The following FARS2 variants were observed in gnomAD, a reference collection of about 807,000 sequenced individuals.
The protein encoded by FARS2 is phenylalanine--tRNA ligase, mitochondrial.
Under a neutral mutation model 46.4 loss-of-function variants are expected in FARS2, and 40 were observed. That is an observed-to-expected ratio of 0.86 (90% CI 0.67 to 1.12). The LOEUF is 1.12. FARS2 is among the 50% of genes most tolerant of loss of function. The pLI, the probability that FARS2 is intolerant of heterozygous loss-of-function variation, is 0.00. For synonymous variants in FARS2, 234 were observed against 214.9 expected, an observed-to-expected ratio of 1.09 and a Z score of -0.78; for missense variants, 513 against 567.9, an observed-to-expected ratio of 0.90 and a Z score of 0.98.
At chr6:5,336,339 A>G (rs1485106739) in intron 1 of FARS2, among the ~76,000 whole-genome samples, 5 of 152,056 alleles carry the variant, frequency 3.3e-5, no homozygotes, top group Admixed American at 3.3e-4. Flanking sequence ...GATGGATTTT[A>G]AAAGTCTCGG....
At position 5,341,235 on chromosome 6, in the gene FARS2, A is replaced by ATT. The variant is rs70974193; in HGVS notation, c.-21-27294_-21-27293dup. 1.9e-3 allele frequency among the ~76,000 whole-genome samples: 19 copies of ATT among 10,270 alleles called. 2 individuals carry two copies. The highest frequency in any genetic ancestry group is 3.4e-3 in the Non-Finnish European group (17 of 5,030). 6.7% of individuals were successfully genotyped at this position (10,270 alleles called of 152,430 possible). On this transcript the variant is annotated intron_variant, in intron 1 of 6. Coordinates refer to ENST00000274680, the MANE Select transcript of FARS2 (RefSeq NM_006567.5). ...TATATATATATATATATATATATAT[A>ATT]TTTTTTTTTTTTTTTTTTTTTTCCC...
chr6:5,450,200 G>A (rs546235329), intron 4 of FARS2, among the ~76,000 whole-genome samples: 1 of 152,278 alleles, frequency 6.6e-6, no homozygotes, highest in South Asian at 2.1e-4. Flanking sequence ...TGAGGTAAAT[G>A]TGTAATGTCA....
intron 6 of FARS2, among the ~76,000 whole-genome samples, chr6:5,667,255 C>G (rs1171407885): frequency 6.6e-6 from 1 of 152,178 alleles, no homozygotes; most frequent in African/African-American, 2.4e-5. Context: ...CACAGTGGCT[C>G]ACGCCTGTAA....
intron 5 of FARS2, among the ~76,000 whole-genome samples, chr6:5,568,326 G>T (rs1471386523): frequency 6.6e-6 from 1 of 152,180 alleles, no homozygotes; most frequent in Non-Finnish European, 1.5e-5. Context: ...GTTGATGTAT[G>T]TGACATTCAA....
intron 2 of FARS2, among the ~76,000 whole-genome samples, chr6:5,403,925 G>A (rs959448138): frequency 3.9e-5 from 6 of 152,136 alleles, no homozygotes; most frequent in Non-Finnish European, 8.8e-5. Flanking sequence ...TTAGCCATTG[G>A]AATGTGCCAG....
chr6:5,595,691 T>C (rs1774158899), intron 5 of FARS2, among the ~76,000 whole-genome samples: 1 of 152,196 alleles, frequency 6.6e-6, no homozygotes, highest in African/African-American at 2.4e-5. Flanking sequence ...CAGATGGATC[T>C]GAACTAAATT....
At chr6:5,368,462 A>C (rs971802280) in intron 1 of FARS2, 88 bp from the exon 2 acceptor site, 6 of 1,186,042 alleles carry the variant, frequency 5.1e-6, no homozygotes, top group Admixed American at 2.2e-5. Context: ...CCAGTAGGAC[A>C]AGAGGGAGCT....
intron 3 of FARS2, among the ~76,000 whole-genome samples, chr6:5,411,296 C>CAAAAT: frequency 6.6e-6 from 1 of 152,172 alleles, no homozygotes; most frequent in East Asian, 1.9e-4. Context: ...CAAAACAAAA[C>CAAAAT]AAAACAAAAC....
At chr6:5,531,467 GT>G (rs1769827447) in intron 4 of FARS2, among the ~76,000 whole-genome samples, 1 of 152,186 alleles carries the variant, frequency 6.6e-6, no homozygotes, top group Non-Finnish European at 1.5e-5. Context: ...TCCAAAGTGA[GT>G]TTTTTTGAGA....
intron 6 of FARS2, among the ~76,000 whole-genome samples, chr6:5,629,690 G>C (rs1455755424): frequency 6.6e-6 from 1 of 152,140 alleles, no homozygotes; most frequent in Non-Finnish European, 1.5e-5. Context: ...TGTTGGCCAA[G>C]GGTAAGGTTG....
upstream of FARS2, among the ~76,000 whole-genome samples, chr6:5,260,466 G>A (rs1275281205): frequency 6.6e-6 from 1 of 152,254 alleles, no homozygotes; most frequent in Non-Finnish European, 1.5e-5. Flanking sequence ...TCCTCCCCGA[G>A]GTCTCAGAGG....
chr6:5,698,214 C>T (rs1036957664), intron 6 of FARS2, among the ~76,000 whole-genome samples: 1 of 152,152 alleles, frequency 6.6e-6, no homozygotes, highest in African/African-American at 2.4e-5. Context: ...GTTCTGCAGG[C>T]TGTACAGGAA....
chr6:5,524,130 A>G (rs907097945), intron 4 of FARS2, among the ~76,000 whole-genome samples: 1 of 152,186 alleles, frequency 6.6e-6, no homozygotes, highest in Non-Finnish European at 1.5e-5. Flanking sequence ...ACCACTTGAC[A>G]TTCTACTCCT....
At chr6:5,596,932 T>C (rs1187170794) in intron 5 of FARS2, among the ~76,000 whole-genome samples, 1 of 152,214 alleles carries the variant, frequency 6.6e-6, no homozygotes, top group Admixed American at 6.5e-5. Flanking sequence ...TACTTGACAA[T>C]GGCCCAGGGT....
chr6:5,338,049 G>T (rs994991644), intron 1 of FARS2, among the ~76,000 whole-genome samples: 1 of 152,064 alleles, frequency 6.6e-6, no homozygotes, highest in African/African-American at 2.4e-5. Flanking sequence ...GTATATTTTT[G>T]TCCTTTTTCT....
chr6:5,536,789 G>T (rs1770232210), intron 4 of FARS2, among the ~76,000 whole-genome samples: 1 of 152,186 alleles, frequency 6.6e-6, no homozygotes, highest in African/African-American at 2.4e-5. Flanking sequence ...TCTCAGGAGA[G>T]AATGAGAAAG....
At chr6:5,753,219 A>G (rs546669395) in intron 6 of FARS2, among the ~76,000 whole-genome samples, 43 of 152,334 alleles carry the variant, frequency 2.8e-4, no homozygotes, top group African/African-American at 1.0e-3. Context: ...CAAAGTTACT[A>G]CTGCAAACTT....
chr6:5,294,186 G>A (rs74821273), intron 1 of FARS2, among the ~76,000 whole-genome samples: 1,937 of 152,212 alleles, frequency 0.013, 12 homozygotes, highest in Non-Finnish European at 0.019. Flanking sequence ...ATTGTATTTG[G>A]GGTCTTCTTG....
chr6:5,381,837 G>A (rs550215518), intron 2 of FARS2, among the ~76,000 whole-genome samples: 3 of 152,330 alleles, frequency 2.0e-5, no homozygotes, highest in Admixed American at 6.5e-5. Context: ...GGCAGTGTAG[G>A]AACAGGAGGC....
Sources: allele counts gnomAD v4.1 joint callset (sites outside exome capture counted in the v4.1 genomes callset), GRCh38; gene constraint gnomAD v4.1.1; transcripts MANE v1.5; gene names NCBI Gene and HGNC (gene_info 2026-07-23, HGNC 2026-07-21).